The following FERMT3 variants were observed in gnomAD, a reference collection of about 807,000 sequenced individuals.
The protein encoded by FERMT3 is fermitin family homolog 3.
FERMT3 carries 33 observed loss-of-function variants against 80.8 expected under a neutral mutation model. That is an observed-to-expected ratio of 0.41 (90% CI 0.31 to 0.55). FERMT3 has a LOEUF of 0.55. Among genes scored for constraint, FERMT3 ranks in the 20% least tolerant of loss-of-function variants. FERMT3 has a pLI of 0.31. For missense variants in FERMT3, 754 were observed against 908.7 expected, an observed-to-expected ratio of 0.83 and a Z score of 2.19; for synonymous variants, 375 against 372.2, an observed-to-expected ratio of 1.01 and a Z score of -0.09.
intron 2 of FERMT3, among the ~76,000 whole-genome samples, chr11:64,208,228 G>A (rs1017810241): frequency 7.2e-5 from 11 of 152,188 alleles, no homozygotes; most frequent in South Asian, 6.2e-4. Flanking sequence ...AGGTCAGTCC[G>A]ACTGTGGAGA....
Sources: gnomAD v4.1 joint callset for allele counts (sites outside exome capture counted in the v4.1 genomes callset) on GRCh38, gnomAD v4.1.1 for gene constraint, MANE v1.5 for transcripts, NCBI Gene and HGNC (gene_info 2026-07-23, HGNC 2026-07-21) for gene names.